The following MOBP variants were observed in gnomAD, a reference collection of about 807,000 sequenced individuals.
MOBP encodes the protein myelin associated oligodendrocyte basic protein.
A neutral mutation model predicts 15.0 loss-of-function variants in MOBP; 5 were observed. That is an observed-to-expected ratio of 0.33 (90% CI 0.17 to 0.70). The LOEUF is 0.70. Among genes scored for constraint, MOBP ranks in the 30% least tolerant of loss-of-function variants. MOBP has a pLI of 0.67. For synonymous variants in MOBP, 88 were observed against 99.0 expected (o/e 0.89, Z 0.66); for missense variants, 188 against 257.8 (o/e 0.73, Z 1.85).
chr3:39,480,686 C>T (rs113442889), intron 2 of MOBP, among the ~76,000 whole-genome samples: 352 of 152,302 alleles, frequency 2.3e-3, no homozygotes, highest in Non-Finnish European at 3.9e-3. Context: ...CAGCCTTCAC[C>T]GGGCCTCCAA....
intron 2 of MOBP, among the ~76,000 whole-genome samples, chr3:39,481,153 A>G (rs980554801): frequency 1.3e-5 from 2 of 152,230 alleles, no homozygotes; most frequent in African/African-American, 4.8e-5. Flanking sequence ...GTCTACACCC[A>G]GGCTGCTAAG....
At chr3:39,483,681 C>T (rs1707954) in intron 2 of MOBP, among the ~76,000 whole-genome samples, 15,458 of 152,198 alleles carry the variant, frequency 0.1, 1,438 homozygotes, top group African/African-American at 0.24. Context: ...GTTTTACCTA[C>T]GTATGTGTAC....
intron 1 of MOBP, among the ~76,000 whole-genome samples, chr3:39,469,254 ATG>A (rs1206708189): frequency 6.9e-5 from 10 of 144,360 alleles, no homozygotes; most frequent in East Asian, 4.0e-4. Flanking sequence ...ATATACATAT[ATG>A]TGTGTGTATA....
At chr3:39,483,614 C>G (rs904140683) in intron 2 of MOBP, among the ~76,000 whole-genome samples, 1 of 152,128 alleles carries the variant, frequency 6.6e-6, no homozygotes, top group Admixed American at 6.5e-5. Flanking sequence ...TAAAACAATA[C>G]AATTTGGGAG....
intron 3 of MOBP, among the ~76,000 whole-genome samples, chr3:39,522,735 T>C (rs544455444): frequency 2.6e-4 from 40 of 152,220 alleles, no homozygotes; most frequent in Non-Finnish European, 4.4e-4. Flanking sequence ...AGTATCAACT[T>C]TTACACAAAA....
chr3:39,486,786 CTTTCGGGTTG>C (rs980194802), intron 2 of MOBP, among the ~76,000 whole-genome samples: 3 of 149,668 alleles, frequency 2.0e-5, no homozygotes, highest in African/African-American at 7.6e-5. Flanking sequence ...GCCCAATTTT[CTTTCGGGTTG>C]TTTTTTCCTA....
Position 39,502,137 on chromosome 3 carries a change from G to A in MOBP, c.68G>A (p.Ser23Asn), listed in dbSNP as rs775902504. Residue 23 changes from serine (S) to asparagine (N), a missense_variant, in exon 3 of 4, where the codon AGC (serine) becomes AAC (asparagine). Ser to Asn is a conservative substitution (Grantham distance 46). Coordinates refer to ENST00000684792, the MANE Select transcript of MOBP (RefSeq NM_001393704.1). This position sits in a 1 kb window ranked among gnomAD's most constrained non-coding sequence, Gnocchi z 6.3. ...SKNQKYSEHF[S>N]IHCCPPFTFL... ...AACCAGAAGTACTCCGAACACTTCAGCATACACTGCTGCCCGCCGTTCACC... is the reference window on the plus strand; with the variant it reads ...AACCAGAAGTACTCCGAACACTTCAACATACACTGCTGCCCGCCGTTCACC... The A allele has an allele frequency of 8.1e-6, 13 of 1,614,228 alleles. No homozygotes were observed. In the South Asian group the frequency reaches 1.4e-4, roughly 18 times the overall value.
intron 2 of MOBP, among the ~76,000 whole-genome samples, chr3:39,494,789 C>T (rs921104583): frequency 2.2e-5 from 2 of 90,162 alleles, no homozygotes; most frequent in Non-Finnish European, 4.3e-5. Flanking sequence ...AAAGCCCCCC[C>T]CCGCCCCCCG....
chr3:39,515,534 T>A (rs924417000), exon 5 of MOBP: 1 of 150,850 alleles, frequency 6.6e-6, no homozygotes, highest in Non-Finnish European at 1.5e-5. Flanking sequence ...CTTCCAGGCT[T>A]GGTTCACTCT....
downstream of MOBP, among the ~76,000 whole-genome samples, chr3:39,517,125 G>T (rs2043213859): frequency 6.6e-6 from 1 of 152,180 alleles, no homozygotes. Context: ...TGACCCAAGG[G>T]TCAGGTGTGC....
chr3:39,486,606 C>G (rs1178765732), intron 2 of MOBP, among the ~76,000 whole-genome samples: 2 of 152,108 alleles, frequency 1.3e-5, no homozygotes, highest in Non-Finnish European at 2.9e-5. Context: ...TCTACGGACT[C>G]TCTTAAGTTA....
At chr3:39,477,896 T>TATAAAGACAAA (rs1165979159) in intron 1 of MOBP, among the ~76,000 whole-genome samples, 1 of 151,990 alleles carries the variant, frequency 6.6e-6, no homozygotes, top group Non-Finnish European at 1.5e-5. Flanking sequence ...AGAATAAGAA[T>TATAAAGACAAA]ATAAAGACAA....
intron 2 of MOBP, chr3:39,500,088 A>T (rs2042948317): frequency 2.2e-6 from 1 of 456,098 alleles, no homozygotes; most frequent in East Asian, 7.0e-5. Context: ...TGTGAGCAGG[A>T]TGTTTATCTG....
Position 39,494,782 on chromosome 3 carries a change from G to GCC in MOBP, c.-4-7276_-4-7275dup, listed in dbSNP as rs142834446. ...CTTTATTTCATTTCATATTTTCAAA[G>GCC]CCCCCCCCCGCCCCCCGAGTTACGT... On this transcript the variant is annotated intron_variant, in intron 2 of 3. Coordinates refer to ENST00000684792, the MANE Select transcript of MOBP (RefSeq NM_001393704.1). 9.4e-3 allele frequency among the ~76,000 whole-genome samples: 804 copies of GCC among 85,572 alleles called. 10 individuals carry two copies. The highest frequency in any genetic ancestry group is 0.013 in the African/African-American group (279 of 21,504). 56.1% of individuals were successfully genotyped at this position (85,572 alleles called of 152,430 possible).
chr3:39,485,495 G>A (rs542001969), intron 2 of MOBP, among the ~76,000 whole-genome samples: 28 of 152,210 alleles, frequency 1.8e-4, no homozygotes, highest in Non-Finnish European at 2.9e-4. Flanking sequence ...TCACAGCTAA[G>A]GAGTTGGGGC....
At chr3:39,498,406 A>C (rs751854469) in intron 2 of MOBP, among the ~76,000 whole-genome samples, 1 of 152,050 alleles carries the variant, frequency 6.6e-6, no homozygotes, top group Non-Finnish European at 1.5e-5. Flanking sequence ...GCTGGAGTGC[A>C]GTGGCGCGAC....
chr3:39,508,429 C>A (rs901834797), intron 4 of MOBP, among the ~76,000 whole-genome samples: 23 of 152,288 alleles, frequency 1.5e-4, no homozygotes, highest in African/African-American at 4.3e-4. Flanking sequence ...AACCACTGAC[C>A]TATCTTCTGT....
At chr3:39,493,385 CT>C (rs535210617) in intron 2 of MOBP, among the ~76,000 whole-genome samples, 228 of 144,422 alleles carry the variant, frequency 1.6e-3, no homozygotes, top group Middle Eastern at 0.011. Context: ...TTCACAAAAT[CT>C]TTTTTTTTTT....
At chr3:39,519,674 T>C (rs1475186452), downstream of MOBP, among the ~76,000 whole-genome samples, 1 of 152,212 alleles carries the variant, frequency 6.6e-6, no homozygotes, top group African/African-American at 2.4e-5. Flanking sequence ...AAAGATCAAG[T>C]GCTTTCAGCT....
Sources: allele counts gnomAD v4.1 joint callset (sites outside exome capture counted in the v4.1 genomes callset), GRCh38; gene constraint gnomAD v4.1.1; non-coding constraint Gnocchi (gnomAD v3.1); transcripts MANE v1.5; gene names NCBI Gene and HGNC (gene_info 2026-07-23, HGNC 2026-07-21).